The following RTL4 variants were observed in gnomAD, a reference collection of about 807,000 sequenced individuals.
RTL4 encodes retrotransposon Gag like 4.
Under a neutral mutation model 5.3 loss-of-function variants are expected in RTL4, and 4 were observed. The observed-to-expected ratio is 0.75, with a 90% CI of 0.37 to 1.72. The LOEUF (loss-of-function observed/expected upper bound fraction) is 1.72. Ranked by LOEUF, RTL4 falls within the 40% of genes most tolerant of loss-of-function variation. The probability of loss-of-function intolerance (pLI) is 0.04; values close to 1 mark genes in which losing one functional copy is unlikely to be tolerated. For missense variants in RTL4, 260 were observed against 227.1 expected (o/e 1.14, Z -0.93); for synonymous variants, 98 against 87.3 (o/e 1.12, Z -0.68).
At chrX:112,133,951 G>A in the RTL4 span, among the ~76,000 whole-genome samples, 9,903 of 111,281 alleles carry the variant, frequency 0.089, 822 homozygotes, top group African/African-American at 0.26. Context: ...ATCCATGCTA[G>A]AGCTAATATA....
chrX:112,166,025 C>T, the RTL4 span, among the ~76,000 whole-genome samples: 24 of 112,251 alleles, frequency 2.1e-4, no homozygotes, highest in African/African-American at 7.1e-4. Context: ...CTTGCTGACA[C>T]CTCCTCCATC....
At chrX:112,296,663 G>A in the RTL4 span, among the ~76,000 whole-genome samples, 1 of 102,437 alleles carries the variant, frequency 9.8e-6, no homozygotes, top group South Asian at 4.7e-4. Flanking sequence ...AGGCTGGAGT[G>A]CAGTGGCACA....
chrX:112,128,663 A>AAAAAAAAAAAAAAAAAAG, the RTL4 span, among the ~76,000 whole-genome samples: 1 of 84,902 alleles, frequency 1.2e-5, no homozygotes, highest in Non-Finnish European at 2.0e-5. Context: ...GTCTCACAAA[A>AAAAAAAAAAAAAAAAAAG]AAAAAAAAAA....
the RTL4 span, among the ~76,000 whole-genome samples, chrX:112,432,579 T>C: frequency 4.1e-5 from 4 of 97,143 alleles, no homozygotes; most frequent in Non-Finnish European, 8.2e-5. Context: ...GATGGGGTTG[T>C]TTGTTTTTTT....
the RTL4 span, among the ~76,000 whole-genome samples, chrX:112,310,572 T>C: frequency 1.8e-4 from 1 of 5,531 alleles, no homozygotes; most frequent in African/African-American, 8.8e-4. Flanking sequence ...TATATATTTA[T>C]ATATAATATT....
the RTL4 span, among the ~76,000 whole-genome samples, chrX:112,262,636 C>G: frequency 8.9e-6 from 1 of 111,853 alleles, no homozygotes; most frequent in Non-Finnish European, 1.9e-5. Flanking sequence ...GACAGTATGA[C>G]AATTCCTCAA....
the RTL4 span, among the ~76,000 whole-genome samples, chrX:112,175,768 A>G: frequency 1.2e-4 from 13 of 111,220 alleles, no homozygotes; most frequent in African/African-American, 3.9e-4. Flanking sequence ...CCCACAGCCA[A>G]TATCATACTG....
chrX:112,119,795 G>GA, the RTL4 span, among the ~76,000 whole-genome samples: 1 of 111,442 alleles, frequency 9.0e-6, no homozygotes, highest in East Asian at 2.8e-4. Context: ...AAGGATTGTA[G>GA]AAAAAACTTG....
the RTL4 span, among the ~76,000 whole-genome samples, chrX:112,137,530 G>A: frequency 9.0e-6 from 1 of 111,033 alleles, no homozygotes; most frequent in African/African-American, 3.3e-5. Context: ...CATCTTGTGA[G>A]AACTCACTTA....
chrX:112,184,857 C>T, the RTL4 span, among the ~76,000 whole-genome samples: 1 of 111,892 alleles, frequency 8.9e-6, no homozygotes, highest in African/African-American at 3.2e-5. Context: ...TTCATGAATT[C>T]CAACAAAACT....
At chrX:112,301,955 C>T in the RTL4 span, among the ~76,000 whole-genome samples, 1 of 104,867 alleles carries the variant, frequency 9.5e-6, no homozygotes, top group Non-Finnish European at 2.0e-5. Flanking sequence ...TAGAGCAAGA[C>T]CCTGTCAAAG....
chrX:112,213,836 T>C, the RTL4 span, among the ~76,000 whole-genome samples: 33 of 109,787 alleles, frequency 3.0e-4, no homozygotes, highest in African/African-American at 1.1e-3. Flanking sequence ...TTACCTTCTT[T>C]TTTTTTTTTT....
At chrX:112,126,064 T>G in the RTL4 span, among the ~76,000 whole-genome samples, 1 of 111,377 alleles carries the variant, frequency 9.0e-6, no homozygotes, top group African/African-American at 3.3e-5. Context: ...GGCCCTTGAG[T>G]AAGGGTGATC....
chrX:112,409,943 T>TA, the RTL4 span, among the ~76,000 whole-genome samples: 145 of 79,714 alleles, frequency 1.8e-3, no homozygotes, highest in Admixed American at 3.3e-3. Context: ...ATGAATGAAT[T>TA]AAAAAAAAAA....
the RTL4 span, among the ~76,000 whole-genome samples, chrX:112,366,658 C>G: frequency 8.9e-6 from 1 of 112,422 alleles, no homozygotes; most frequent in Non-Finnish European, 1.9e-5. Flanking sequence ...CCAAACTCTT[C>G]TTTTGAAGGT....
At chrX:112,173,348 C>G in the RTL4 span, among the ~76,000 whole-genome samples, 1 of 111,247 alleles carries the variant, frequency 9.0e-6, no homozygotes, top group African/African-American at 3.3e-5. Context: ...CTGCAAGACT[C>G]TCTAGTGTGG....
At chrX:112,334,335 C>T in the RTL4 span, among the ~76,000 whole-genome samples, 1 of 111,830 alleles carries the variant, frequency 8.9e-6, no homozygotes, top group Admixed American at 9.5e-5. Context: ...ATTGCTAGAT[C>T]AGATAGTAGC....
At chrX:112,384,199 A>T in the RTL4 span, among the ~76,000 whole-genome samples, 1 of 111,794 alleles carries the variant, frequency 8.9e-6, no homozygotes, top group Non-Finnish European at 1.9e-5. Flanking sequence ...GTATCCCAGA[A>T]CTTAAAGTTT....
chrX:112,301,491 C>T, the RTL4 span, among the ~76,000 whole-genome samples: 1 of 111,037 alleles, frequency 9.0e-6, no homozygotes, highest in Non-Finnish European at 1.9e-5. Context: ...CATTTAAAAA[C>T]TTGGTTTAAT....
Sources: gnomAD v4.1 joint callset for allele counts (sites outside exome capture counted in the v4.1 genomes callset) on GRCh38, gnomAD v4.1.1 for gene constraint, MANE v1.5 for transcripts, NCBI Gene and HGNC (gene_info 2026-07-23, HGNC 2026-07-21) for gene names.